The following QARS1 variants were observed in gnomAD, a reference collection of about 807,000 sequenced individuals.
The protein encoded by QARS1 is glutamine--tRNA ligase.
QARS1 carries 79 observed loss-of-function variants against 106.9 expected under a neutral mutation model. That is an observed-to-expected ratio of 0.74 (90% confidence interval 0.62 to 0.89). QARS1 has a LOEUF of 0.89. Among genes scored for constraint, QARS1 ranks in the 40% least tolerant of loss-of-function variants. The pLI is 0.00. For synonymous variants in QARS1, 395 were observed against 367.7 expected (o/e 1.07, Z -0.85); for missense variants, 966 against 997.2 (o/e 0.97, Z 0.42).
rs1235647135 is a variant in QARS1, at chr3:49,099,775, C to T, written c.1374G>A (p.Lys458=). 6.2e-7 allele frequency: 1 copy of T among 1,614,064 alleles called. No homozygotes were observed. Among genetic ancestry groups the T allele is most frequent in the Non-Finnish European group, 8.5e-7 (1 of 1,179,998 alleles). The change falls in exon 15 of 24, where the codon AAG becomes AAA. Residue 458 remains lysine, a synonymous_variant. Coordinates refer to ENST00000306125, the MANE Select transcript of QARS1 (RefSeq NM_005051.3). ...AGCTCCCTCACCGGGCCTGGAATTCCTTGGTGCAGAGTGAGTGAGTGATGT... is the reference window on the plus strand; with the variant it reads ...AGCTCCCTCACCGGGCCTGGAATTCTTTGGTGCAGAGTGAGTGAGTGATGT... The part of the protein sequence containing the change: ...IEHITHSLCT[K]EFQARRSSYF...
Position 49,104,481 on chromosome 3 carries a change from G to C in QARS1, c.118-10C>G. On this transcript the variant is annotated splice_polypyrimidine_tract_variant and intron_variant, in intron 1 of 23. Coordinates refer to ENST00000306125, the MANE Select transcript of QARS1 (RefSeq NM_005051.3). ...CCAGGGTCTGCTGAGCCTGAGGTCAGAGGGGTCAAGAGAGAAGCCCCGCGC... is the reference window on the plus strand; with the variant it reads ...CCAGGGTCTGCTGAGCCTGAGGTCACAGGGGTCAAGAGAGAAGCCCCGCGC... 1 of 1,613,544 alleles carries C rather than the reference G, an allele frequency of 6.2e-7. No individual in the cohort carries two copies. The highest frequency in any genetic ancestry group is 8.5e-7 in the Non-Finnish European group (1 of 1,179,822).
rs1360650190 is a variant in QARS1, at chr3:49,100,234, G to A, written c.1120C>T (p.Pro374Ser). Reference sequence around the variant, plus strand: ...TCCTCCATGGGACGGTCTCTCCAGGGTGAAGGCAGAGTATTATGGCCTTTG... The same window carrying A: ...TCCTCCATGGGACGGTCTCTCCAGGATGAAGGCAGAGTATTATGGCCTTTG... ...ELKGHNTLPS[P>S]WRDRPMEESL... Residue 374 changes from proline (P) to serine (S), a missense_variant, in exon 13 of 24, where the codon CCC (proline) becomes TCC (serine). Transcript: ENST00000306125. 2.5e-6 allele frequency: 4 copies of A among 1,614,116 alleles called. No homozygotes were observed. The African/African-American group carries it at 4.0e-5, about 16-fold the overall frequency.
At chr3:49,099,739 C>A in intron 15 of QARS1, 22 bp downstream of exon 15, 1 of 1,613,772 alleles carries the variant, frequency 6.2e-7, no homozygotes, top group South Asian at 1.1e-5. Context: ...GCCCTACCAC[C>A]CCATGGACCC....
chr3:49,100,344 A>T, intron 12 of QARS1, 36 bp downstream of exon 12: 1 of 1,614,096 alleles, frequency 6.2e-7, no homozygotes, highest in Non-Finnish European at 8.5e-7. Context: ...TGACCTAGTC[A>T]GTCTGCCTGG....
At chr3:49,102,023 T>C (rs990043292) in intron 7 of QARS1, 124 bp from the exon 8 acceptor site, 3 of 1,301,054 alleles carry the variant, frequency 2.3e-6, no homozygotes, top group Non-Finnish European at 3.2e-6. Flanking sequence ...GAGCCAGACA[T>C]CTGAGGCCTC....
intron 20 of QARS1, 24 bp downstream of exon 20, chr3:49,098,576 A>G: frequency 6.2e-7 from 1 of 1,607,890 alleles, no homozygotes; most frequent in Non-Finnish European, 8.5e-7. Flanking sequence ...GCACTGCAGT[A>G]GGAAGGCTGC....
chr3:49,096,287 A>AT (rs1263074925), intron 23 of QARS1, among the ~76,000 whole-genome samples: 1 of 152,238 alleles, frequency 6.6e-6, no homozygotes, highest in Non-Finnish European at 1.5e-5. Flanking sequence ...TATATGGACC[A>AT]TAACAACCAC....
In QARS1 at chr3:49,104,346, G is replaced by T. The variant is rs754974684; in HGVS notation, c.243C>A (p.Ile81=). The change falls in exon 2 of 24, where the codon ATC becomes ATA. Residue 81 remains isoleucine, a synonymous_variant. Transcript: ENST00000306125. Reference sequence around the variant, plus strand: ...CACCGCTTAGCTGGGGCTCAGTGTGGATCTTCTTACTGGCTATGTAGCTTA... The same window carrying T: ...CACCGCTTAGCTGGGGCTCAGTGTGTATCTTCTTACTGGCTATGTAGCTTA... ...FLVSYIASKK[I]HTEPQLSAAL... is the part of the protein sequence containing the mutation. The T allele has an allele frequency of 2.5e-6, 4 of 1,614,204 alleles. No individual in the cohort carries two copies. Among genetic ancestry groups the T allele is most frequent in the Non-Finnish European group, 3.4e-6 (4 of 1,180,032 alleles).
chr3:49,099,225 A>G lies in QARS1; in HGVS notation c.1643T>C (p.Met548Thr), dbSNP rs961339434. 5 of 1,614,054 alleles carry G rather than the reference A, an allele frequency of 3.1e-6. No individual in the cohort carries two copies. The African/African-American group carries it at 6.7e-5, about 22-fold the overall frequency. ...ACAGGCTTCTAGAAGATGTGGCTCC[A>G]TTGTGGTTTGTGCCACAGTCACTCC... ...RVGVTVAQTT[M>T]EPHLLEACVR... The change falls in exon 18 of 24, where the codon ATG becomes ACG. Residue 548 changes from methionine (M) to threonine (T), a missense_variant. Met to Thr is a moderately conservative substitution (Grantham distance 81, BLOSUM62 -1). Coordinates refer to ENST00000306125, the MANE Select transcript of QARS1 (RefSeq NM_005051.3).
chr3:49,097,156 A>T (rs1012171613), intron 23 of QARS1: 5 of 152,118 alleles, frequency 3.3e-5, no homozygotes, highest in African/African-American at 1.2e-4. Flanking sequence ...TTTTAAAATT[A>T]GCCAGGCATG....
chr3:49,096,917 G>A (rs1271826167), intron 23 of QARS1, among the ~76,000 whole-genome samples: 3 of 148,786 alleles, frequency 2.0e-5, no homozygotes, highest in Admixed American at 6.7e-5. Flanking sequence ...CCTGGGAGGC[G>A]GAGGTTGCAG....
intron 3 of QARS1, 59 bp from the exon 4 acceptor site, chr3:49,103,765 C>G: frequency 6.2e-7 from 1 of 1,602,370 alleles, no homozygotes; most frequent in Non-Finnish European, 8.5e-7. Context: ...TTCTGGGAAC[C>G]CACACCCTCA....
In QARS1 at chr3:49,101,453, G is replaced by A. The variant is rs560763981; in HGVS notation, c.790-12C>T. On this transcript the variant is annotated splice_polypyrimidine_tract_variant and intron_variant, in intron 9 of 23. Transcript: ENST00000306125. Reference sequence around the variant, plus strand: ...AACCGGGTACGTACCTAAAATAAGGGGGATGGGAAAAGAGAAATAAAGTCT... The same window carrying A: ...AACCGGGTACGTACCTAAAATAAGGAGGATGGGAAAAGAGAAATAAAGTCT... 2.5e-6 allele frequency: 4 copies of A among 1,606,354 alleles called. No homozygotes were observed. The highest frequency in any genetic ancestry group is 3.4e-6 in the Non-Finnish European group (4 of 1,173,166).
At position 49,104,486 on chromosome 3, in the gene QARS1, G is replaced by A. The variant is rs748618405; in HGVS notation, c.118-15C>T. The A allele has an allele frequency of 9.3e-6, 15 of 1,613,472 alleles. No individual in the cohort carries two copies. The East Asian group carries it at 2.2e-4, about 24-fold the overall frequency. On this transcript the variant is annotated splice_polypyrimidine_tract_variant and intron_variant, in intron 1 of 23. Coordinates refer to ENST00000306125, the MANE Select transcript of QARS1 (RefSeq NM_005051.3). ...GTCTGCTGAGCCTGAGGTCAGAGGG[G>A]TCAAGAGAGAAGCCCCGCGCTCAGT...
chr3:49,096,192 G>A (rs148545440), intron 23 of QARS1, 113 bp from the exon 24 acceptor site: 219 of 1,148,420 alleles, frequency 1.9e-4, no homozygotes, highest in Middle Eastern at 2.8e-4. Flanking sequence ...CAAAGAAGCC[G>A]AGGGACTAAG....
chr3:49,098,135 AG>A lies in QARS1; in HGVS notation c.2152-19del, dbSNP rs2107095132. ...AGTGATGCCTGCAGGCAGGGAACTC[AG>A]GCAACCATCCAACCAGGGAGGCCTA... is the stretch of plus-strand genomic sequence containing the variant. On this transcript the variant is annotated intron_variant, in intron 22 of 23. Transcript: ENST00000306125. 16 of 1,614,202 alleles carry A rather than the reference AG, an allele frequency of 9.9e-6. No homozygotes were observed. The highest frequency in any genetic ancestry group is 1.4e-5 in the Non-Finnish European group (16 of 1,180,038).
chr3:49,100,165 C>A (rs777678600), intron 13 of QARS1, 25 bp downstream of exon 13: 1 of 1,614,210 alleles, frequency 6.2e-7, no homozygotes, highest in Non-Finnish European at 8.5e-7. Context: ...CCCACCCAAA[C>A]CCAGATGCTC....
At position 49,098,194 on chromosome 3, in the gene QARS1, G is replaced by C. The variant is rs760143907; in HGVS notation, c.2149C>G (p.Leu717Val). 1.9e-6 allele frequency: 3 copies of C among 1,614,130 alleles called. No individual in the cohort carries two copies. The highest frequency in any genetic ancestry group is 2.5e-6 in the Non-Finnish European group (3 of 1,180,026). ...CACCCCAAACCTCATGAACCTACCAGGTTCAGGTCACTTAAAAATCCACCA... is the reference window on the plus strand; with the variant it reads ...CACCCCAAACCTCATGAACCTACCACGTTCAGGTCACTTAAAAATCCACCA... ...VPGGFLSDLN[L>V]ASLHVVDAAL... The change falls in exon 22 of 24, where the codon CTG becomes GTG. Residue 717 changes from leucine (L) to valine (V), a missense_variant and splice_region_variant. Physicochemically the swap from Leu to Val is conservative, Grantham distance 32. Transcript: ENST00000306125.
intron 12 of QARS1, 23 bp downstream of exon 12, chr3:49,100,357 C>G (rs770312223): frequency 1.2e-6 from 2 of 1,614,194 alleles, no homozygotes; most frequent in Non-Finnish European, 1.7e-6. Flanking sequence ...CTGCCTGGCT[C>G]TACGTCATGG....
Sources: allele counts gnomAD v4.1 joint callset (sites outside exome capture counted in the v4.1 genomes callset), GRCh38; gene constraint gnomAD v4.1.1; transcripts MANE v1.5; gene names NCBI Gene and HGNC (gene_info 2026-07-23, HGNC 2026-07-21).